GLT8D2: variants seen among roughly 807,000 people sequenced by gnomAD.
GLT8D2 encodes glycosyltransferase 8 domain containing 2, also known as glycosyltransferase 8 domain-containing protein 2.
Under a neutral mutation model 44.5 loss-of-function variants are expected in GLT8D2, and 45 were observed. The ratio of observed to expected loss-of-function variants is 1.01; its 90% confidence interval spans 0.80 to 1.30. GLT8D2 has a LOEUF of 1.30. Among genes scored for constraint, GLT8D2 ranks in the 50% most tolerant of loss-of-function variants. GLT8D2 has a pLI of 0.00. For synonymous variants in GLT8D2, 156 were observed against 157.2 expected (o/e 0.99, Z 0.06); for missense variants, 400 against 430.4 (o/e 0.93, Z 0.62).
intron 1 of GLT8D2, among the ~76,000 whole-genome samples, chr12:104,038,198 G>T (rs1267638187): frequency 1.3e-5 from 2 of 152,120 alleles, no homozygotes; most frequent in Non-Finnish European, 2.9e-5. Context: ...ATACTGAATG[G>T]GCAAAAACTG....
chr12:104,008,647 G>C (rs1352655634), intron 4 of GLT8D2, among the ~76,000 whole-genome samples: 1 of 152,236 alleles, frequency 6.6e-6, no homozygotes, highest in African/African-American at 2.4e-5. Context: ...CAAGACAATG[G>C]GGAAAATGTC....
At chr12:104,037,210 A>T (rs944061701) in intron 1 of GLT8D2, among the ~76,000 whole-genome samples, 8 of 152,254 alleles carry the variant, frequency 5.3e-5, no homozygotes, top group Non-Finnish European at 1.0e-4. Flanking sequence ...AAGAGAAAAC[A>T]GGAAAGATCT....
At chr12:104,050,764 T>C (rs1295194947), upstream of GLT8D2, among the ~76,000 whole-genome samples, 1 of 152,176 alleles carries the variant, frequency 6.6e-6, no homozygotes, top group African/African-American at 2.4e-5. Flanking sequence ...CACTGTCTCT[T>C]TCTAAAGTGG....
chr12:103,998,384 G>T (rs879801480), intron 6 of GLT8D2, among the ~76,000 whole-genome samples: 14 of 151,780 alleles, frequency 9.2e-5, no homozygotes, highest in Non-Finnish European at 1.3e-4. Flanking sequence ...GACTACAGGG[G>T]TATGCCACCA....
chr12:104,018,028 A>C (rs1227827852), intron 3 of GLT8D2, among the ~76,000 whole-genome samples: 1 of 151,892 alleles, frequency 6.6e-6, no homozygotes, highest in Non-Finnish European at 1.5e-5. Flanking sequence ...GGAGTGCAGC[A>C]GTGTGATCTC....
chr12:104,025,786 A>G (rs1198616528), intron 1 of GLT8D2, among the ~76,000 whole-genome samples: 1 of 152,164 alleles, frequency 6.6e-6, no homozygotes, highest in Non-Finnish European at 1.5e-5. Context: ...TTTCTTTAAT[A>G]TTTTGTTCCA....
chr12:104,001,138 C>T (rs1874161994), intron 5 of GLT8D2, among the ~76,000 whole-genome samples: 1 of 152,164 alleles, frequency 6.6e-6, no homozygotes, highest in Non-Finnish European at 1.5e-5. Flanking sequence ...TAAAGTAGAT[C>T]ATACTATACG....
intron 1 of GLT8D2, among the ~76,000 whole-genome samples, chr12:104,061,504 T>C (rs1882646362): frequency 6.6e-6 from 1 of 152,242 alleles, no homozygotes; most frequent in African/African-American, 2.4e-5. Context: ...CACTGCTTTA[T>C]TCCAACTCTT....
rs1429841526 is a variant in GLT8D2, at chr12:104,016,724, A to G, written c.20-1619T>C. Among the ~76,000 whole-genome samples the G allele has an allele frequency of 5.3e-3, 318 of 59,716 alleles. 5 individuals are homozygous for G. Among genetic ancestry groups the G allele is most frequent in the Middle Eastern group, 0.015 (2 of 136 alleles). The allele number at this position is 59,716 out of a possible 152,430, so 39.2% of individuals were successfully genotyped here. On this transcript the variant is annotated intron_variant, in intron 3 of 10. Coordinates refer to ENST00000360814, the MANE Select transcript of GLT8D2 (RefSeq NM_001384711.1). ...GAAAGGGAGAGAGAAAGAAAGAAAG[A>G]AAGAAAGAAAGAAAGAAAGAAAGAA...
intron 3 of GLT8D2, among the ~76,000 whole-genome samples, chr12:104,016,881 A>G (rs1053974426): frequency 6.9e-6 from 1 of 145,930 alleles, no homozygotes; most frequent in Non-Finnish European, 1.5e-5. Context: ...AAAGAAAGAA[A>G]GAAAAATAAA....
At chr12:104,021,907 A>T (rs1249215696) in intron 1 of GLT8D2, among the ~76,000 whole-genome samples, 1 of 14,210 alleles carries the variant, frequency 7.0e-5, no homozygotes, top group Non-Finnish European at 1.3e-4. Context: ...GAAGAAGAAG[A>T]AGAAGAAGAA....
At chr12:104,035,866 G>A (rs1879870952) in intron 1 of GLT8D2, among the ~76,000 whole-genome samples, 1 of 152,110 alleles carries the variant, frequency 6.6e-6, no homozygotes, top group South Asian at 2.1e-4. Flanking sequence ...ATATATAATT[G>A]TCAGATTCAC....
At chr12:104,043,529 C>CA (rs1233355300) in intron 1 of GLT8D2, among the ~76,000 whole-genome samples, 1 of 152,174 alleles carries the variant, frequency 6.6e-6, no homozygotes, top group Non-Finnish European at 1.5e-5. Flanking sequence ...TGCAGTGGCA[C>CA]AATCTTGGCT....
At chr12:103,999,347 C>A in intron 6 of GLT8D2, 50 bp downstream of exon 6, 1 of 1,024,496 alleles carries the variant, frequency 9.8e-7, no homozygotes, top group Non-Finnish European at 1.5e-6. Context: ...CTTTACTGAA[C>A]AAAGGTCTCA....
At chr12:103,992,933 G>A (rs1872946058) in intron 10 of GLT8D2, among the ~76,000 whole-genome samples, 1 of 152,198 alleles carries the variant, frequency 6.6e-6, no homozygotes, top group African/African-American at 2.4e-5. Flanking sequence ...TCTGAGCACT[G>A]AGGGTCAAGT....
At chr12:104,021,308 C>G (rs1228504506) in intron 2 of GLT8D2, 49 bp downstream of exon 2, 1 of 152,196 alleles carries the variant, frequency 6.6e-6, no homozygotes, top group African/African-American at 2.4e-5. Flanking sequence ...TCGGCCACAG[C>G]CCAAGAAAAA....
intron 10 of GLT8D2, among the ~76,000 whole-genome samples, chr12:103,990,528 C>A (rs1872629450): frequency 6.6e-6 from 1 of 152,058 alleles, no homozygotes; most frequent in African/African-American, 2.4e-5. Context: ...TTAAAAATCT[C>A]TATAGTGTTC....
upstream of GLT8D2, among the ~76,000 whole-genome samples, chr12:104,052,050 G>A (rs1158993297): frequency 6.6e-6 from 1 of 152,108 alleles, no homozygotes; most frequent in African/African-American, 2.4e-5. Flanking sequence ...ACGAGTCCAG[G>A]TTGGTCCAAA....
chr12:104,005,348 A>C (rs1412308127), intron 4 of GLT8D2, among the ~76,000 whole-genome samples: 1 of 152,250 alleles, frequency 6.6e-6, no homozygotes, highest in Non-Finnish European at 1.5e-5. Flanking sequence ...TAATACACTA[A>C]AAGCAATGGC....
Sources: gnomAD v4.1 joint callset for allele counts (sites outside exome capture counted in the v4.1 genomes callset) on GRCh38, gnomAD v4.1.1 for gene constraint, MANE v1.5 for transcripts, NCBI Gene and HGNC (gene_info 2026-07-23, HGNC 2026-07-21) for gene names.